AVEN: variants seen among roughly 807,000 people sequenced by gnomAD.
AVEN encodes the protein cell death regulator Aven.
Under a neutral mutation model 38.1 loss-of-function variants are expected in AVEN, and 41 were observed. The ratio of observed to expected loss-of-function variants is 1.08; its 90% CI spans 0.84 to 1.40. The LOEUF is 1.40. Ranked by LOEUF, AVEN falls within the 40% of genes most tolerant of loss-of-function variation. AVEN has a pLI of 0.00. For missense variants in AVEN, 605 were observed against 438.8 expected (o/e 1.38, Z -3.38); for synonymous variants, 206 against 171.8 (o/e 1.20, Z -1.56).
rs367815458 is a variant in AVEN at position 33,954,352 on chromosome 15, C to T, written c.445+48680G>A. Among the ~76,000 whole-genome samples, 6 of 152,238 alleles carry T rather than the reference C, an allele frequency of 3.9e-5. No individual in the cohort carries two copies. In the East Asian group the frequency reaches 1.2e-3, roughly 29 times the overall value. On this transcript the variant is annotated intron_variant, in intron 2 of 5. Transcript: ENST00000306730. Reference sequence around the variant, plus strand: ...ATGCTACTATAAAGACACATGCACACGTATGTTTATTGTGGCACTATTCAC... The same window carrying T: ...ATGCTACTATAAAGACACATGCACATGTATGTTTATTGTGGCACTATTCAC...
At chr15:33,852,384 C>T in the AVEN span, 1 of 152,056 alleles carries the variant, frequency 6.6e-6, no homozygotes, top group African/African-American at 2.4e-5. Context: ...GTACAAGCTA[C>T]AGAGAGAAGA....
chr15:33,973,445 A>G (rs955441376), intron 2 of AVEN, among the ~76,000 whole-genome samples: 2 of 152,230 alleles, frequency 1.3e-5, no homozygotes, highest in Non-Finnish European at 2.9e-5. Flanking sequence ...CTCTACATGC[A>G]GTAACTTCTG....
At chr15:34,057,029 T>A (rs1900179575) in intron 5 of AVEN, among the ~76,000 whole-genome samples, 1 of 152,078 alleles carries the variant, frequency 6.6e-6, no homozygotes, top group Non-Finnish European at 1.5e-5. Flanking sequence ...CCACAAAGCA[T>A]CTAAAAGAGC....
chr15:34,049,382 A>C (rs2140822886), intron 5 of AVEN, among the ~76,000 whole-genome samples: 1 of 152,380 alleles, frequency 6.6e-6, no homozygotes, highest in Middle Eastern at 3.4e-3. Context: ...GGTGCTGAAA[A>C]ACACACTATG....
At chr15:33,885,966 T>G (rs1305267256) in intron 2 of AVEN, among the ~76,000 whole-genome samples, 1 of 151,964 alleles carries the variant, frequency 6.6e-6, no homozygotes, top group African/African-American at 2.4e-5. Flanking sequence ...AAGATGAGAG[T>G]AGATGACTTG....
At chr15:34,056,858 C>A (rs1355182743) in intron 5 of AVEN, among the ~76,000 whole-genome samples, 1 of 152,074 alleles carries the variant, frequency 6.6e-6, no homozygotes, top group Non-Finnish European at 1.5e-5. Flanking sequence ...TAGCGAGACC[C>A]TATCTCAAAG....
At chr15:33,853,244 G>T in the AVEN span, among the ~76,000 whole-genome samples, 1 of 152,160 alleles carries the variant, frequency 6.6e-6, no homozygotes, top group Non-Finnish European at 1.5e-5. Context: ...ATGAACATAT[G>T]TAGGTTTTTG....
chr15:33,924,406 C>T (rs906650494), intron 2 of AVEN, among the ~76,000 whole-genome samples: 79 of 152,090 alleles, frequency 5.2e-4, no homozygotes, highest in African/African-American at 1.8e-3. Flanking sequence ...CCTGGCACGA[C>T]GCAGTCTTGA....
chr15:34,040,526 T>A (rs551226590), upstream of AVEN, among the ~76,000 whole-genome samples: 2 of 152,332 alleles, frequency 1.3e-5, no homozygotes, highest in East Asian at 3.9e-4. Context: ...TTCTACATAC[T>A]TCTCATATCA....
chr15:33,933,582 A>C (rs1251677883), intron 2 of AVEN, among the ~76,000 whole-genome samples: 1 of 121,530 alleles, frequency 8.2e-6, no homozygotes, highest in African/African-American at 3.1e-5. Flanking sequence ...GAGAGAGAGA[A>C]CTGAGGCATC....
chr15:33,864,131 GT>G (rs777257829), downstream of AVEN: 4 of 1,608,298 alleles, frequency 2.5e-6, no homozygotes, highest in African/African-American at 4.0e-5. Context: ...TCTTTTCCTC[GT>G]TCCAGGTTCT....
intron 1 of AVEN, among the ~76,000 whole-genome samples, chr15:34,029,428 C>T (rs367803504): frequency 3.3e-5 from 5 of 149,906 alleles, no homozygotes; most frequent in African/African-American, 1.2e-4. Context: ...TGCCTGTAAT[C>T]CCAGCACTTT....
At chr15:34,000,149 CAGTA>C (rs1184429247) in intron 2 of AVEN, among the ~76,000 whole-genome samples, 5 of 152,182 alleles carry the variant, frequency 3.3e-5, no homozygotes, top group African/African-American at 1.2e-4. Flanking sequence ...GTTATATTCT[CAGTA>C]AGACCCCTGG....
At chr15:33,857,679 CCGTCCTCACT>C, downstream of AVEN, 1 of 1,464,952 alleles carries the variant, frequency 6.8e-7, no homozygotes, top group Non-Finnish European at 9.3e-7. Context: ...CTCTCCTTGC[CCGTCCTCACT>C]CTTCCTCCTC....
chr15:34,018,441 A>C (rs2140702127), intron 1 of AVEN: 1 of 152,222 alleles, frequency 6.6e-6, no homozygotes, highest in East Asian at 1.9e-4. Flanking sequence ...CCCTGACTTC[A>C]GAAGTGAAGC....
chr15:34,039,099 GC>G lies in AVEN; in HGVS notation c.-54del. 9.4e-7 allele frequency: 1 copy of G among 1,066,470 alleles called. No individual in the cohort carries two copies. The highest frequency in any genetic ancestry group is 1.1e-6 in the Non-Finnish European group (1 of 882,954). 66.1% of individuals were successfully genotyped at this position (1,066,470 alleles called of 1,614,324 possible). A position where few individuals can be genotyped will look rare whatever the true frequency, so the allele number is the denominator to read the frequency against. ...GCGGGAGCCGAGCTGCGGCGGAGACGCCCTGGCCCCACCGGAAGCGGGCCGC... is the reference window on the plus strand; with the variant it reads ...GCGGGAGCCGAGCTGCGGCGGAGACGCCTGGCCCCACCGGAAGCGGGCCGC... On this transcript the variant is annotated 5_prime_UTR_variant, in exon 1 of 6. Coordinates refer to ENST00000306730, the MANE Select transcript of AVEN (RefSeq NM_020371.3).
intron 2 of AVEN, among the ~76,000 whole-genome samples, chr15:33,942,959 GA>G (rs565306082): frequency 1.3e-5 from 2 of 152,204 alleles, no homozygotes; most frequent in South Asian, 4.2e-4. Flanking sequence ...TTTTTTAACA[GA>G]AAAATAAAAG....
intron 2 of AVEN, among the ~76,000 whole-genome samples, chr15:33,887,256 C>G (rs956455961): frequency 2.0e-5 from 3 of 152,068 alleles, no homozygotes. Flanking sequence ...TGAGAAATAG[C>G]TAGTTAATAA....
intron 2 of AVEN, among the ~76,000 whole-genome samples, chr15:33,916,677 AT>A (rs908674786): frequency 6.6e-5 from 10 of 152,122 alleles, no homozygotes; most frequent in Non-Finnish European, 1.0e-4. Context: ...TAATAAAAAA[AT>A]AATAATAATA....
Sources: allele counts gnomAD v4.1 joint callset (sites outside exome capture counted in the v4.1 genomes callset), GRCh38; gene constraint gnomAD v4.1.1; transcripts MANE v1.5; gene names NCBI Gene and HGNC (gene_info 2026-07-23, HGNC 2026-07-21).